Variants in RBFOX1 observed in about 807,000 individuals in gnomAD.
RBFOX1 encodes RNA binding fox-1 homolog 1.
RBFOX1 carries 8 observed loss-of-function variants against 57.7 expected under a neutral mutation model. The observed-to-expected ratio is 0.14, with a 90% CI of 0.08 to 0.25. The LOEUF (loss-of-function observed/expected upper bound fraction) is 0.25, where lower values mean the gene tolerates loss of function less well. Among genes scored for constraint, RBFOX1 ranks in the 10% least tolerant of loss-of-function variants. RBFOX1 has a pLI of 1.00. For synonymous variants in RBFOX1, 326 were observed against 222.4 expected, an observed-to-expected ratio of 1.47 and a Z score of -4.15; for missense variants, 611 against 548.5, an observed-to-expected ratio of 1.11 and a Z score of -1.14.
chr16:7,083,425 C>T (rs764627751), intron 4 of RBFOX1, among the ~76,000 whole-genome samples: 6 of 148,736 alleles, frequency 4.0e-5, no homozygotes, highest in Non-Finnish European at 9.1e-5. Flanking sequence ...AACCAGGGGA[C>T]TCATTTAGGC....
chr16:7,520,420 C>T (rs373915730), intron 5 of RBFOX1, among the ~76,000 whole-genome samples: 3 of 152,180 alleles, frequency 2.0e-5, no homozygotes, highest in African/African-American at 7.2e-5. Context: ...TAAGCAGACA[C>T]TCCCCATTCT....
intron 1 of RBFOX1, among the ~76,000 whole-genome samples, chr16:6,180,803 T>G (rs1202835281): frequency 1.3e-5 from 2 of 152,152 alleles, no homozygotes; most frequent in Non-Finnish European, 2.9e-5. Flanking sequence ...TGACCTCAAG[T>G]AATCTACCTG....
chr16:7,118,029 A>G (rs558134775), intron 4 of RBFOX1, among the ~76,000 whole-genome samples: 1 of 152,324 alleles, frequency 6.6e-6, no homozygotes, highest in Non-Finnish European at 1.5e-5. Context: ...ATTGTGCTGC[A>G]TTAAGCATGC....
intron 1 of RBFOX1, among the ~76,000 whole-genome samples, chr16:6,080,138 C>G (rs1048848215): frequency 1.3e-5 from 2 of 152,136 alleles, no homozygotes; most frequent in African/African-American, 2.4e-5. Context: ...TTGGTGTGTA[C>G]TTGATGGGGA....
At chr16:6,889,598 A>G (rs547914994) in intron 3 of RBFOX1, among the ~76,000 whole-genome samples, 7 of 152,304 alleles carry the variant, frequency 4.6e-5, no homozygotes, top group African/African-American at 1.7e-4. Flanking sequence ...ATTCCCGACT[A>G]GTTTGTGGAG....
At chr16:6,853,710 C>G (rs1032046970) in intron 3 of RBFOX1, among the ~76,000 whole-genome samples, 4 of 152,116 alleles carry the variant, frequency 2.6e-5, no homozygotes, top group Admixed American at 6.5e-5. Flanking sequence ...TGGTTGGATT[C>G]GTTTACCAGT....
At chr16:6,124,459 C>G (rs186642603) in intron 1 of RBFOX1, among the ~76,000 whole-genome samples, 1 of 152,144 alleles carries the variant, frequency 6.6e-6, no homozygotes, top group African/African-American at 2.4e-5. Flanking sequence ...TATTTCTTCA[C>G]TCCAGACTGG....
At chr16:5,357,048 G>T (rs1567380379) in intron 1 of RBFOX1, among the ~76,000 whole-genome samples, 1 of 152,218 alleles carries the variant, frequency 6.6e-6, no homozygotes, top group South Asian at 2.1e-4. Context: ...ACTTGCCCGT[G>T]ATGACACAGT....
intron 3 of RBFOX1, chr16:5,610,527 G>A (rs2047740961): frequency 6.6e-6 from 1 of 152,054 alleles, no homozygotes; most frequent in Non-Finnish European, 1.5e-5. Flanking sequence ...AACGTACAAA[G>A]TTGAAAAGTA....
rs2076782247 is a variant in RBFOX1, at chr16:6,762,679, T to C, written c.-16+108029T>C. Among the ~76,000 whole-genome samples the C allele has an allele frequency of 1.3e-5, 2 of 152,162 alleles. 1 individual carries two copies. The highest frequency in any genetic ancestry group is 4.1e-4 in the South Asian group (2 of 4,820). On this transcript the variant is annotated intron_variant, in intron 3 of 15. Coordinates refer to ENST00000550418, the MANE Select transcript of RBFOX1 (RefSeq NM_018723.4). ...TCCATTAAACTTGGCATTTGGTTATTTGTTTTGGGCCCCAGTGATTTGCTA... is the reference window on the plus strand; with the variant it reads ...TCCATTAAACTTGGCATTTGGTTATCTGTTTTGGGCCCCAGTGATTTGCTA...
Position 7,108,443 on chromosome 16 carries a change from A to G in RBFOX1, c.27+56345A>G, listed in dbSNP as rs527319258. ...ATATTAAACATTACATAGTTTAGGT[A>G]TACAATTGATTCATCCATTCATTGA... On this transcript the variant is annotated intron_variant, in intron 4 of 15. Transcript: ENST00000550418. Among the ~76,000 whole-genome samples, 5 of 152,306 alleles carry G rather than the reference A, an allele frequency of 3.3e-5. No homozygotes were observed. In the South Asian group the frequency reaches 8.3e-4, roughly 25 times the overall value.
chr16:6,080,961 C>G (rs925581618), intron 1 of RBFOX1, among the ~76,000 whole-genome samples: 1 of 152,158 alleles, frequency 6.6e-6, no homozygotes, highest in Non-Finnish European at 1.5e-5. Flanking sequence ...AAATCTAAAT[C>G]CTAGTACCAC....
intron 2 of RBFOX1, among the ~76,000 whole-genome samples, chr16:6,529,668 T>C (rs1309777991): frequency 6.6e-6 from 1 of 152,056 alleles, no homozygotes; most frequent in Non-Finnish European, 1.5e-5. Flanking sequence ...ATACTACAGG[T>C]ATATTGAAAT....
intron 2 of RBFOX1, among the ~76,000 whole-genome samples, chr16:6,414,033 C>T (rs1051136739): frequency 3.9e-5 from 6 of 152,272 alleles, no homozygotes; most frequent in Admixed American, 3.9e-4. Context: ...TCGTTCCGCG[C>T]AAACACAGCA....
At chr16:5,464,650 C>T (rs1296432186) in intron 1 of RBFOX1, among the ~76,000 whole-genome samples, 1 of 152,196 alleles carries the variant, frequency 6.6e-6, no homozygotes, top group African/African-American at 2.4e-5. Flanking sequence ...GAGAGGCCTC[C>T]TCTGTTTGTG....
chr16:6,774,055 C>G, intron 3 of RBFOX1: 2 of 938,100 alleles, frequency 2.1e-6, no homozygotes, highest in Non-Finnish European at 2.5e-6. Flanking sequence ...TGCTCATTGG[C>G]TTTCTGATTT....
chr16:7,680,556 CA>C (rs1391851376), intron 14 of RBFOX1, among the ~76,000 whole-genome samples: 1 of 152,100 alleles, frequency 6.6e-6, no homozygotes, highest in Non-Finnish European at 1.5e-5. Flanking sequence ...TGATAGTTAC[CA>C]GGGGCCATTT....
At chr16:6,503,116 A>G (rs1348942448) in intron 2 of RBFOX1, among the ~76,000 whole-genome samples, 1 of 152,236 alleles carries the variant, frequency 6.6e-6, no homozygotes, top group East Asian at 1.9e-4. Context: ...ATGAAGAGTG[A>G]TTATTCAAAG....
intron 4 of RBFOX1, among the ~76,000 whole-genome samples, chr16:5,905,882 T>A (rs1483762702): frequency 2.6e-5 from 4 of 152,172 alleles, no homozygotes; most frequent in African/African-American, 7.2e-5. Context: ...CTAATTTCCC[T>A]CTTTAGAATT....
Sources: allele counts gnomAD v4.1 joint callset (sites outside exome capture counted in the v4.1 genomes callset), GRCh38; gene constraint gnomAD v4.1.1; transcripts MANE v1.5; gene names NCBI Gene and HGNC (gene_info 2026-07-23, HGNC 2026-07-21).